Variants in CA10 observed in about 807,000 individuals in gnomAD.
CA10 encodes the protein carbonic anhydrase-related protein 10.
CA10 carries 14 observed loss-of-function variants against 44.2 expected under a neutral mutation model. The observed-to-expected ratio is 0.32, with a 90% CI of 0.21 to 0.50. The LOEUF is 0.50. Among genes scored for constraint, CA10 ranks in the 20% least tolerant of loss-of-function variants. CA10 has a pLI of 0.99. For synonymous variants in CA10, 159 were observed against 141.6 expected, an observed-to-expected ratio of 1.12 and a Z score of -0.87; for missense variants, 350 against 409.7, an observed-to-expected ratio of 0.85 and a Z score of 1.26.
chr17:51,697,487 G>C (rs1353944957), intron 4 of CA10, among the ~76,000 whole-genome samples: 1 of 152,104 alleles, frequency 6.6e-6, no homozygotes, highest in Non-Finnish European at 1.5e-5. Flanking sequence ...CCTCCATGAG[G>C]CTTGTCCTGA....
chr17:51,944,102 G>T (rs989228094), intron 2 of CA10, among the ~76,000 whole-genome samples: 1 of 152,068 alleles, frequency 6.6e-6, no homozygotes, highest in African/African-American at 2.4e-5. Flanking sequence ...TCCCAAGAAA[G>T]AAAAAGAATG....
chr17:51,936,305 ATGTC>A (rs1398699392), intron 2 of CA10, among the ~76,000 whole-genome samples: 1 of 152,112 alleles, frequency 6.6e-6, no homozygotes, highest in Non-Finnish European at 1.5e-5. Flanking sequence ...AAGTTTCTAT[ATGTC>A]TATCTGTGTA....
At chr17:51,986,851 A>T (rs1179002983) in intron 2 of CA10, among the ~76,000 whole-genome samples, 1 of 151,992 alleles carries the variant, frequency 6.6e-6, no homozygotes, top group Non-Finnish European at 1.5e-5. Context: ...AAAAAATGAA[A>T]AAAAAGTAGA....
intron 1 of CA10, among the ~76,000 whole-genome samples, chr17:52,098,952 T>C (rs1402302943): frequency 6.6e-6 from 1 of 152,216 alleles, no homozygotes; most frequent in Non-Finnish European, 1.5e-5. Context: ...CTTCCTCTCA[T>C]GGAATTTATA....
At chr17:52,000,548 A>G (rs1280826606) in intron 2 of CA10, among the ~76,000 whole-genome samples, 1 of 152,058 alleles carries the variant, frequency 6.6e-6, no homozygotes, top group African/African-American at 2.4e-5. Flanking sequence ...GTGGATCTTC[A>G]GAGTAATCTT....
intron 2 of CA10, 87 bp downstream of exon 2, chr17:52,072,232 C>T: frequency 1.1e-6 from 1 of 946,786 alleles, no homozygotes; most frequent in Non-Finnish European, 1.6e-6. Context: ...ACTGCCTCAC[C>T]TTTTGCAATG....
At chr17:51,888,352 A>G (rs1272204992) in intron 3 of CA10, among the ~76,000 whole-genome samples, 1 of 152,254 alleles carries the variant, frequency 6.6e-6, no homozygotes, top group Non-Finnish European at 1.5e-5. Flanking sequence ...CTGAACATTT[A>G]CATTAAAATC....
chr17:51,855,013 C>A (rs566404087), intron 3 of CA10, among the ~76,000 whole-genome samples: 6 of 152,124 alleles, frequency 3.9e-5, no homozygotes, highest in Non-Finnish European at 8.8e-5. Context: ...CTCTTACCAT[C>A]CATTTGGTTC....
chr17:52,088,796 G>T (rs1347831587), intron 1 of CA10, among the ~76,000 whole-genome samples: 2 of 152,018 alleles, frequency 1.3e-5, no homozygotes, highest in African/African-American at 4.8e-5. Context: ...AGCAAGAAAT[G>T]AAAAGAAAAA....
intron 3 of CA10, among the ~76,000 whole-genome samples, chr17:51,820,677 T>C (rs1907747307): frequency 6.6e-6 from 1 of 152,094 alleles, no homozygotes; most frequent in Non-Finnish European, 1.5e-5. Context: ...CCGATTCTGT[T>C]ATCTATTGGC....
At chr17:51,708,940 G>GGGGACT (rs368470150) in intron 4 of CA10, among the ~76,000 whole-genome samples, 120 of 152,306 alleles carry the variant, frequency 7.9e-4, no homozygotes, top group African/African-American at 2.5e-3. Flanking sequence ...TCTGAGATTT[G>GGGGACT]GGGACTGGGA....
intron 1 of CA10, among the ~76,000 whole-genome samples, chr17:52,076,900 A>G (rs532670716): frequency 3.9e-5 from 6 of 152,172 alleles, no homozygotes; most frequent in East Asian, 1.9e-4. Context: ...ACAGCATTCT[A>G]TGCTCCTCTT....
At chr17:51,833,934 G>A (rs1180904844) in intron 3 of CA10, among the ~76,000 whole-genome samples, 3 of 152,318 alleles carry the variant, frequency 2.0e-5, no homozygotes, top group Admixed American at 6.5e-5. Flanking sequence ...TGCCAAGTAC[G>A]GAGAAGCCAC....
At chr17:51,655,093 A>ATGAT (rs1913739828) in intron 4 of CA10, among the ~76,000 whole-genome samples, 1 of 152,218 alleles carries the variant, frequency 6.6e-6, no homozygotes, top group African/African-American at 2.4e-5. Context: ...ATTAATAATT[A>ATGAT]TGATTCTGAA....
chr17:51,840,899 TCA>T (rs1336483249), intron 3 of CA10, among the ~76,000 whole-genome samples: 5 of 152,126 alleles, frequency 3.3e-5, no homozygotes, highest in Admixed American at 1.3e-4. Flanking sequence ...GAGAACAAAC[TCA>T]CAGTTTATCA....
intron 2 of CA10, among the ~76,000 whole-genome samples, chr17:52,065,487 C>G (rs913836505): frequency 6.6e-6 from 1 of 152,104 alleles, no homozygotes; most frequent in Non-Finnish European, 1.5e-5. Context: ...TGAGGTATAT[C>G]CTCGAGGAAT....
At chr17:51,632,650 G>A (rs1382347918) in intron 8 of CA10, among the ~76,000 whole-genome samples, 1 of 152,176 alleles carries the variant, frequency 6.6e-6, no homozygotes, top group Non-Finnish European at 1.5e-5. Flanking sequence ...AGGTCTAGGG[G>A]GTAAACAATG....
At chr17:52,118,257 A>G (rs182912528) in intron 1 of CA10, among the ~76,000 whole-genome samples, 10 of 152,310 alleles carry the variant, frequency 6.6e-5, no homozygotes, top group Non-Finnish European at 5.9e-5. Flanking sequence ...AGTAAAGGAT[A>G]ATGAGCGATT....
intron 6 of CA10, among the ~76,000 whole-genome samples, chr17:51,643,904 A>G (rs1340969138): frequency 6.6e-6 from 1 of 152,172 alleles, no homozygotes; most frequent in Non-Finnish European, 1.5e-5. Context: ...CAGCATTAAT[A>G]TCTTCCTCTT....
Sources: gnomAD v4.1 joint callset for allele counts (sites outside exome capture counted in the v4.1 genomes callset) on GRCh38, gnomAD v4.1.1 for gene constraint, MANE v1.5 for transcripts, NCBI Gene and HGNC (gene_info 2026-07-23, HGNC 2026-07-21) for gene names.